Variants in KCND2 observed in about 807,000 individuals in gnomAD.
KCND2 encodes potassium voltage-gated channel subfamily D member 2.
A neutral mutation model predicts 54.4 loss-of-function variants in KCND2; 16 were observed. The ratio of observed to expected loss-of-function variants is 0.29; its 90% CI spans 0.20 to 0.45. The LOEUF is 0.45. Among genes scored for constraint, KCND2 ranks in the 20% least tolerant of loss-of-function variants. The pLI is 1.00. For missense variants in KCND2, 486 were observed against 824.2 expected (o/e 0.59, Z 5.02); for synonymous variants, 317 against 310.7 (o/e 1.02, Z -0.21).
intron 1 of KCND2, among the ~76,000 whole-genome samples, chr7:120,577,543 GACA>G (rs145189203): frequency 1.3e-5 from 2 of 151,816 alleles, no homozygotes; most frequent in African/African-American, 4.8e-5. Flanking sequence ...GGACTCAAAC[GACA>G]ACAACAACCG....
intron 1 of KCND2, among the ~76,000 whole-genome samples, chr7:120,608,757 C>T (rs548282740): frequency 2.0e-5 from 3 of 152,156 alleles, no homozygotes; most frequent in Admixed American, 2.0e-4. Flanking sequence ...CACCAAAACA[C>T]CTCAAACACC....
At chr7:120,576,901 C>T (rs572709558) in intron 1 of KCND2, among the ~76,000 whole-genome samples, 1 of 152,172 alleles carries the variant, frequency 6.6e-6, no homozygotes, top group African/African-American at 2.4e-5. Flanking sequence ...AATCCCAGCA[C>T]TTTGGGAGGC....
intron 1 of KCND2, among the ~76,000 whole-genome samples, chr7:120,410,113 C>A (rs1801426104): frequency 6.6e-6 from 1 of 151,804 alleles, no homozygotes; most frequent in South Asian, 2.1e-4. Flanking sequence ...GATATTACAT[C>A]CAACTATTGT....
At chr7:120,393,439 C>T (rs1172862058) in intron 1 of KCND2, among the ~76,000 whole-genome samples, 5 of 151,986 alleles carry the variant, frequency 3.3e-5, no homozygotes, top group Admixed American at 2.6e-4. Flanking sequence ...TGGTAAGTGT[C>T]ATCTAGAAAT....
chr7:120,663,877 G>T (rs1051451515), intron 1 of KCND2, among the ~76,000 whole-genome samples: 1 of 152,068 alleles, frequency 6.6e-6, no homozygotes, highest in African/African-American at 2.4e-5. Flanking sequence ...ATTATTATAT[G>T]CCACAGTTAA....
chr7:120,452,139 A>G (rs566005409), intron 1 of KCND2, among the ~76,000 whole-genome samples: 1 of 152,370 alleles, frequency 6.6e-6, no homozygotes, highest in Admixed American at 6.5e-5. Flanking sequence ...TGAACTGCAT[A>G]AAGTTTTAAA....
chr7:120,555,778 G>A (rs1268458203), intron 1 of KCND2, among the ~76,000 whole-genome samples: 1 of 152,144 alleles, frequency 6.6e-6, no homozygotes, highest in Non-Finnish European at 1.5e-5. Flanking sequence ...CAATATCCCT[G>A]AATATGAACA....
intron 1 of KCND2, among the ~76,000 whole-genome samples, chr7:120,441,919 A>C (rs1801950376): frequency 6.6e-6 from 1 of 152,120 alleles, no homozygotes. Flanking sequence ...TATCCAAGAA[A>C]GTTTTCTCTG....
intron 1 of KCND2, among the ~76,000 whole-genome samples, chr7:120,726,547 G>C (rs1056919017): frequency 1.6e-4 from 25 of 152,172 alleles, no homozygotes; most frequent in Admixed American, 1.6e-3. Context: ...TCTGGTCAAA[G>C]AGAAAAATTC....
intron 1 of KCND2, among the ~76,000 whole-genome samples, chr7:120,358,516 G>A (rs1297299843): frequency 6.7e-6 from 1 of 150,306 alleles, no homozygotes; most frequent in African/African-American, 2.4e-5. Flanking sequence ...CTTTTTTTTT[G>A]TCTAATCAGT....
chr7:120,625,382 A>G (rs1793152533), intron 1 of KCND2, among the ~76,000 whole-genome samples: 1 of 152,206 alleles, frequency 6.6e-6, no homozygotes, highest in Non-Finnish European at 1.5e-5. Flanking sequence ...CAAAAATATT[A>G]TCTACTATCA....
Position 120,749,851 on chromosome 7 carries a change from A to G in KCND2, c.*1993A>G, listed in dbSNP as rs1202997617. On this transcript the variant is annotated 3_prime_UTR_variant, in exon 6 of 6. Coordinates refer to ENST00000331113, the MANE Select transcript of KCND2 (RefSeq NM_012281.3). ...AGCAATGTCTAGTGAAACTTATCTG[A>G]TGGCATTTATTGAAAACCTTCTAAA... 1 of 151,948 alleles carries G rather than the reference A, an allele frequency of 6.6e-6. No individual in the cohort carries two copies. The highest frequency in any genetic ancestry group is 1.5e-5 in the Non-Finnish European group (1 of 67,856). The allele number at this position is 151,948 out of a possible 1,614,324, so 9.4% of individuals were successfully genotyped here.
intron 1 of KCND2, among the ~76,000 whole-genome samples, chr7:120,536,134 C>T (rs376571489): frequency 7.8e-4 from 118 of 152,142 alleles, no homozygotes; most frequent in African/African-American, 2.5e-3. Context: ...GCAAGTCACG[C>T]GAATTGTTTG....
chr7:120,738,857 C>T (rs919714951), intron 2 of KCND2, among the ~76,000 whole-genome samples: 18 of 152,038 alleles, frequency 1.2e-4, no homozygotes, highest in African/African-American at 4.3e-4. Context: ...GCTGTAATCA[C>T]AAGTCATGAA....
chr7:120,626,633 G>T lies in KCND2; in HGVS notation c.1116-106270G>T, dbSNP rs568872808. The stretch of plus-strand genomic sequence containing the variant: ...GGCACTAATCTCTTCTGGAATATTG[G>T]AATTAATTTCAAAATAAATGTTACA... On this transcript the variant is annotated intron_variant, in intron 1 of 5. Transcript: ENST00000331113. Among the ~76,000 whole-genome samples the T allele has an allele frequency of 2.0e-5, 3 of 152,190 alleles. No individual in the cohort carries two copies. In the South Asian group the frequency reaches 6.2e-4, roughly 32 times the overall value.
intron 1 of KCND2, among the ~76,000 whole-genome samples, chr7:120,560,100 A>G (rs1584828260): frequency 6.6e-6 from 1 of 152,210 alleles, no homozygotes; most frequent in Admixed American, 6.5e-5. Context: ...AGCAAACAGC[A>G]TGTTGGCCAA....
intron 1 of KCND2, among the ~76,000 whole-genome samples, chr7:120,522,683 A>C (rs769952642): frequency 2.0e-5 from 3 of 152,206 alleles, no homozygotes; most frequent in Non-Finnish European, 4.4e-5. Context: ...GAAAGTGTAA[A>C]TAAAAGTCAC....
chr7:120,434,740 C>T (rs569812565), intron 1 of KCND2, among the ~76,000 whole-genome samples: 90 of 152,124 alleles, frequency 5.9e-4, no homozygotes, highest in African/African-American at 1.9e-3. Context: ...TGAGAGAGCT[C>T]GTCATAGCTC....
At chr7:120,353,802 A>T (rs1800451211) in intron 1 of KCND2, among the ~76,000 whole-genome samples, 1 of 152,168 alleles carries the variant, frequency 6.6e-6, no homozygotes, top group Admixed American at 6.5e-5. Context: ...CATTCTATTG[A>T]TATTTGTAGT....
Sources: allele counts gnomAD v4.1 joint callset (sites outside exome capture counted in the v4.1 genomes callset), GRCh38; gene constraint gnomAD v4.1.1; transcripts MANE v1.5; gene names NCBI Gene and HGNC (gene_info 2026-07-23, HGNC 2026-07-21).